PLA2G6: variants seen among roughly 807,000 people sequenced by gnomAD.
PLA2G6 encodes the protein phospholipase A2 group VI.
A neutral mutation model predicts 83.8 loss-of-function variants in PLA2G6; 62 were observed. The observed-to-expected ratio is 0.74, with a 90% CI of 0.60 to 0.91. The LOEUF (loss-of-function observed/expected upper bound fraction) is 0.91. PLA2G6 is among the 40% of genes least tolerant of loss of function. The probability of loss-of-function intolerance (pLI) is 0.00; values close to 1 mark genes in which losing one functional copy is unlikely to be tolerated. For missense variants in PLA2G6, 944 were observed against 1,102.0 expected (o/e 0.86, Z 2.03); for synonymous variants, 417 against 449.8 (o/e 0.93, Z 0.92).
At chr22:38,114,406 C>T (rs1180190629) in intron 14 of PLA2G6, among the ~76,000 whole-genome samples, 2 of 152,156 alleles carry the variant, frequency 1.3e-5, no homozygotes, top group African/African-American at 2.4e-5. Context: ...AGGATGGTCT[C>T]GATCTCCTGA....
chr22:38,156,517 G>A (rs1013811225), intron 2 of PLA2G6, among the ~76,000 whole-genome samples: 2 of 151,788 alleles, frequency 1.3e-5, no homozygotes, highest in Non-Finnish European at 1.5e-5. Context: ...GCAGCGGCGC[G>A]ATCTCGGCTC....
chr22:38,131,109 A>C (rs2088184787), intron 7 of PLA2G6: 1 of 152,268 alleles, frequency 6.6e-6, no homozygotes, highest in Admixed American at 6.5e-5. Flanking sequence ...GAAGATGACC[A>C]AAGTCTATCA....
At chr22:38,145,316 A>G in intron 3 of PLA2G6, 122 bp downstream of exon 3, 1 of 846,110 alleles carries the variant, frequency 1.2e-6, no homozygotes. Flanking sequence ...TTAGTGAGCG[A>G]CCATGCCAGG....
At chr22:38,139,855 G>A (rs964937253) in intron 5 of PLA2G6, 127 bp downstream of exon 5, 43 of 759,546 alleles carry the variant, frequency 5.7e-5, no homozygotes, top group African/African-American at 1.0e-4. Flanking sequence ...TTGTGAACCC[G>A]GGGCCTCTGC....
chr22:38,140,507 TA>T (rs1040917164), intron 4 of PLA2G6: 398 of 274,842 alleles, frequency 1.4e-3, no homozygotes, highest in South Asian at 2.6e-3. Context: ...AAACTCTGTC[TA>T]AAAAAAAAGA....
At position 38,112,233 on chromosome 22, in the gene PLA2G6, C is replaced by T. The variant is rs775386225; in HGVS notation, c.2349G>A (p.Trp783Ter). ...GCTCATAGATGTAGACCTCGGTCTC[C>T]CAGAGGGCGTTGACCAGCACTGTGT... ...VSDTVLVNALWETEVYIYEHR... is the reference protein window; with the variant it reads ...VSDTVLVNAL The change falls in exon 17 of 17, where the codon TGG becomes TGA. Residue 783 changes from tryptophan (W) to a stop codon, truncating the protein, a stop_gained. Transcript: ENST00000332509. LOFTEE classifies it high-confidence loss of function. 6.2e-7 allele frequency: 1 copy of T among 1,612,954 alleles called. No homozygotes were observed. The highest frequency in any genetic ancestry group is 1.7e-5 in the Admixed American group (1 of 59,852).
chr22:38,112,459 C>CA, intron 16 of PLA2G6, 45 bp downstream of exon 16: 1 of 1,525,738 alleles, frequency 6.6e-7, no homozygotes, highest in Non-Finnish European at 8.9e-7. Flanking sequence ...TGAGTCCGAC[C>CA]ACGCCAGGGC....
At position 38,161,822 on chromosome 22, in the gene PLA2G6, T is replaced by C. The variant is rs117967413; in HGVS notation, c.209+7396A>G. On this transcript the variant is annotated intron_variant, in intron 2 of 16. Transcript: ENST00000332509. ...CAGGCTGAGGGGAGGGAAGGAGGCA[T>C]GCCTTCTGGGAGAGGGGTGAACAGA... is the stretch of plus-strand genomic sequence containing the variant. Among the ~76,000 whole-genome samples the C allele has an allele frequency of 2.2e-3, 335 of 152,044 alleles. 14 individuals are homozygous for C. In the East Asian group the frequency reaches 0.045, roughly 20 times the overall value.
chr22:38,123,703 G>T lies in PLA2G6; in HGVS notation c.1428-445C>A. 6.6e-6 allele frequency among the ~76,000 whole-genome samples: 1 copy of T among 152,216 alleles called. No individual in the cohort carries two copies. The highest frequency in any genetic ancestry group is 6.5e-5 in the Admixed American group (1 of 15,274). Reference sequence around the variant, plus strand: ...ACAGAGTATCAGGGCCTCCACACAAGGTGGAAGAAGCAGGGGAGGAGGGGG... The same window carrying T: ...ACAGAGTATCAGGGCCTCCACACAATGTGGAAGAAGCAGGGGAGGAGGGGG... On this transcript the variant is annotated intron_variant, in intron 10 of 16. Transcript: ENST00000332509. The surrounding 1 kb of genome is among the most constrained non-coding windows in gnomAD (Gnocchi z 4.1).
intron 1 of PLA2G6, among the ~76,000 whole-genome samples, chr22:38,173,025 T>C (rs2090496244): frequency 1.3e-5 from 2 of 152,080 alleles, no homozygotes; most frequent in African/African-American, 2.4e-5. Context: ...TTGTTATCAC[T>C]AGGTGGAAGA....
At chr22:38,174,967 C>T (rs917841507) in intron 1 of PLA2G6, among the ~76,000 whole-genome samples, 1 of 152,102 alleles carries the variant, frequency 6.6e-6, no homozygotes. Context: ...TGGCTCAGAG[C>T]GGGTGGTGAG....
At chr22:38,159,576 T>A (rs767291132) in intron 2 of PLA2G6, among the ~76,000 whole-genome samples, 3 of 151,890 alleles carry the variant, frequency 2.0e-5, no homozygotes, top group African/African-American at 4.8e-5. Context: ...AAAAAATTTT[T>A]AAAATTAGCC....
chr22:38,170,423 G>A (rs548955008), intron 1 of PLA2G6, among the ~76,000 whole-genome samples: 14 of 152,024 alleles, frequency 9.2e-5, no homozygotes, highest in Admixed American at 5.9e-4. Context: ...TGAACGAACT[G>A]CACCTTCTGC....
intron 2 of PLA2G6, among the ~76,000 whole-genome samples, chr22:38,166,936 C>T (rs1330006470): frequency 6.6e-6 from 1 of 151,982 alleles, no homozygotes; most frequent in Non-Finnish European, 1.5e-5. Context: ...AGAGAATGTG[C>T]TAACCCAACA....
intron 4 of PLA2G6, chr22:38,142,503 T>G (rs1370040768): frequency 6.3e-6 from 1 of 159,362 alleles, no homozygotes; most frequent in Non-Finnish European, 1.4e-5. Context: ...TTGCTTGGTT[T>G]GAATTCCTGT....
Position 38,133,020 on chromosome 22 carries a change from G to A in PLA2G6, c.895-7C>T, listed in dbSNP as rs2088321064. The A allele has an allele frequency of 1.9e-6, 3 of 1,557,586 alleles. No individual in the cohort carries two copies. Among genetic ancestry groups the A allele is most frequent in the Non-Finnish European group, 2.6e-6 (3 of 1,152,920 alleles). On this transcript the variant is annotated splice_polypyrimidine_tract_variant and splice_region_variant and intron_variant, in intron 6 of 16. Coordinates refer to ENST00000332509, the MANE Select transcript of PLA2G6 (RefSeq NM_003560.4). ...TCAGCAGCATGCGGGCCATCTGCGG[G>A]AGACGGTCAGGCTGAGTTAGCACAG...
At chr22:38,119,219 A>G (rs2087383806) in intron 12 of PLA2G6, among the ~76,000 whole-genome samples, 1 of 152,094 alleles carries the variant, frequency 6.6e-6, no homozygotes, top group Non-Finnish European at 1.5e-5. Context: ...GTAGTTTTTT[A>G]TGCTCTGTGG....
chr22:38,170,370 A>G (rs930225775), intron 1 of PLA2G6, among the ~76,000 whole-genome samples: 1 of 152,020 alleles, frequency 6.6e-6, no homozygotes, highest in African/African-American at 2.4e-5. Flanking sequence ...AGGTTTCCCA[A>G]AGAGCTCCGA....
At chr22:38,124,394 G>T (rs1312969045) in intron 10 of PLA2G6, among the ~76,000 whole-genome samples, 1 of 152,138 alleles carries the variant, frequency 6.6e-6, no homozygotes, top group Admixed American at 6.5e-5. Context: ...CAGGTCTGCC[G>T]CCTCCTGAGT....
Sources: gnomAD v4.1 joint callset for allele counts (sites outside exome capture counted in the v4.1 genomes callset) on GRCh38, gnomAD v4.1.1 for gene constraint, Gnocchi (gnomAD v3.1) non-coding constraint, MANE v1.5 for transcripts, NCBI Gene and HGNC (gene_info 2026-07-23, HGNC 2026-07-21) for gene names.